The following KNCN variants were observed in gnomAD, a reference collection of about 807,000 sequenced individuals.
KNCN encodes kinocilin.
In KNCN, 11 loss-of-function variants were observed where a neutral mutation model predicts 10.4. The observed-to-expected ratio is 1.06, with a 90% CI of 0.67 to 1.75. The LOEUF (loss-of-function observed/expected upper bound fraction) is 1.75, where lower values mean the gene tolerates loss of function less well. Among genes scored for constraint, KNCN ranks in the 40% most tolerant of loss-of-function variants. The pLI, the probability that KNCN is intolerant of heterozygous loss-of-function variation, is 0.00. For missense variants in KNCN, 172 were observed against 167.1 expected, an observed-to-expected ratio of 1.03 and a Z score of -0.16; for synonymous variants, 67 against 71.6, an observed-to-expected ratio of 0.94 and a Z score of 0.33.
chr1:46,549,205 C>T lies in KNCN; in HGVS notation c.283G>A (p.Gly95Ser), dbSNP rs772423751. ...TTCTGGAACTTACCTTCCTTGTTGC[C>T]ATTGGTGCTGGATCTTCCTTCCCCG... ...DHGEGRSSTN[G>S]NKEGARSSLS... Residue 95 changes from glycine to serine, a missense_variant, in exon 3 of 4, where the codon GGC becomes AGC. Coordinates refer to ENST00000481882, the MANE Select transcript of KNCN (RefSeq NM_001322255.2). The T allele has an allele frequency of 1.2e-6, 2 of 1,612,096 alleles. No homozygotes were observed.
chr1:46,547,788 G>A lies in KNCN; in HGVS notation c.317C>T (p.Thr106Ile). The A allele has an allele frequency of 6.8e-7, 1 of 1,464,422 alleles. No individual in the cohort carries two copies. Among genetic ancestry groups the A allele is most frequent in the Non-Finnish European group, 9.0e-7 (1 of 1,108,490 alleles). The allele number at this position is 1,464,422 out of a possible 1,614,324, so 90.7% of individuals were successfully genotyped here. ...CAGCTTCTCCAGGGTCCTGCTCACG[G>A]TGGACAGGCTGCTGCGGGCTCCTGG... ...NKEGARSSLSTVSRTLEKLKP... is the reference protein window; with the variant it reads ...NKEGARSSLSIVSRTLEKLKP... The change falls in exon 4 of 4, where the codon ACC becomes ATC. Residue 106 changes from threonine to isoleucine, a missense_variant. Coordinates refer to ENST00000481882, the MANE Select transcript of KNCN (RefSeq NM_001322255.2).
Position 46,551,410 on chromosome 1 carries a change from A to G in KNCN, c.-195T>C. ...TCCACTGCTCCACTACGGGCCCCCC[A>G]GTCCCACCTTGACCAGGGATCTGTA... On this transcript the variant is annotated 5_prime_UTR_variant, in exon 1 of 4. Transcript: ENST00000481882. This position sits in a 1 kb window ranked among gnomAD's most constrained non-coding sequence, Gnocchi z 4.0. 1.8e-6 allele frequency: 1 copy of G among 555,512 alleles called. No individual in the cohort carries two copies. Among genetic ancestry groups the G allele is most frequent in the South Asian group, 2.5e-5 (1 of 39,290 alleles). 34.4% of individuals were successfully genotyped at this position (555,512 alleles called of 1,614,324 possible). A position where few individuals can be genotyped will look rare whatever the true frequency, so the allele number is the denominator to read the frequency against.
chr1:46,547,812 G>A lies in KNCN; in HGVS notation c.296-3C>T, dbSNP rs779102921. Reference sequence around the variant, plus strand: ...GGTGGACAGGCTGCTGCGGGCTCCTGGGGGAGAGAACAGGGACGAGGACTG... The same window carrying A: ...GGTGGACAGGCTGCTGCGGGCTCCTAGGGGAGAGAACAGGGACGAGGACTG... On this transcript the variant is annotated splice_polypyrimidine_tract_variant and splice_region_variant and intron_variant, in intron 3 of 3. Transcript: ENST00000481882. The A allele has an allele frequency of 4.1e-6, 6 of 1,455,254 alleles. No homozygotes were observed. The highest frequency in any genetic ancestry group is 1.4e-5 in the African/African-American group (1 of 69,964). The allele number at this position is 1,455,254 out of a possible 1,614,324, so 90.1% of individuals were successfully genotyped here.
rs1437777029 is a variant in KNCN at position 46,547,763 on chromosome 1, C to T, written c.342G>A (p.Leu114=). ...LSTVSRTLEK[L]KPGTRGAEEC ...CCTCAGCCCCCCGGGTCCCCGGCTT[C>T]AGCTTCTCCAGGGTCCTGCTCACGG... The change falls in exon 4 of 4, where the codon CTG becomes CTA. Residue 114 remains leucine (L), a synonymous_variant. Transcript: ENST00000481882. The T allele has an allele frequency of 1.4e-6, 2 of 1,479,418 alleles. No homozygotes were observed. The highest frequency in any genetic ancestry group is 2.8e-5 in the African/African-American group (2 of 70,670). 91.6% of individuals were successfully genotyped at this position (1,479,418 alleles called of 1,614,324 possible).
chr1:46,549,540 G>A (rs1315560684), intron 2 of KNCN, among the ~76,000 whole-genome samples: 1 of 152,158 alleles, frequency 6.6e-6, no homozygotes, highest in Non-Finnish European at 1.5e-5. Context: ...GGTGGAGATG[G>A]CAGCCTGTAT....
chr1:46,550,961 G>T, intron 1 of KNCN, 104 bp downstream of exon 1: 1 of 1,156,412 alleles, frequency 8.6e-7, no homozygotes. Context: ...CTCCCCAGCT[G>T]ATTCCTGCTG....
Position 46,545,962 on chromosome 1 carries a change from T to C in KNCN, c.*1768A>G, listed in dbSNP as rs781167607. The C allele has an allele frequency of 1.3e-5, 2 of 152,352 alleles. No homozygotes were observed. The highest frequency in any genetic ancestry group is 2.9e-5 in the Non-Finnish European group (2 of 68,126). The allele number at this position is 152,352 out of a possible 1,614,324, so 9.4% of individuals were successfully genotyped here. A position where few individuals can be genotyped will look rare whatever the true frequency, so the allele number is the denominator to read the frequency against. ...GAAGGAAAGGAGAAGGGGCAGGGAA[T>C]AGGCAGCAGCTGGGTGGAGAGGAGG... On this transcript the variant is annotated 3_prime_UTR_variant, in exon 4 of 4. Transcript: ENST00000481882.
rs201613509 is a variant in KNCN, at chr1:46,551,128, C to T, written c.88G>A (p.Gly30Ser). 2.1e-5 allele frequency: 34 copies of T among 1,611,522 alleles called. No homozygotes were observed. Among genetic ancestry groups the T allele is most frequent in the Admixed American group, 5.0e-5 (3 of 59,686 alleles). ...LGLVAGSIII[G>S]ISVSKAAAAM... ...GCTGCAGCCTTGGATACGGAGATGC[C>T]GATAATGATGCTGCCAGCCACCAGC... Residue 30 changes from glycine to serine, a missense_variant, in exon 1 of 4, where the codon GGC (glycine) becomes AGC (serine). Transcript: ENST00000481882. This position sits in a 1 kb window ranked among gnomAD's most constrained non-coding sequence, Gnocchi z 4.0.
At chr1:46,549,068 G>C (rs1191404218) in intron 3 of KNCN, 125 bp downstream of exon 3, 1 of 657,112 alleles carries the variant, frequency 1.5e-6, no homozygotes, top group Non-Finnish European at 2.6e-6. Flanking sequence ...TTGAAACCGG[G>C]AGGTGGAGGT....
chr1:46,548,659 C>T lies in KNCN; in HGVS notation c.295+534G>A, dbSNP rs79426288. 3.3e-3 allele frequency among the ~76,000 whole-genome samples: 508 copies of T among 152,252 alleles called. 6 individuals carry two copies. The highest frequency in any genetic ancestry group is 0.012 in the African/African-American group (485 of 41,540). On this transcript the variant is annotated intron_variant, in intron 3 of 3. Coordinates refer to ENST00000481882, the MANE Select transcript of KNCN (RefSeq NM_001322255.2). ...GGAGGTGCCCTCATTCCAGTGTCCA[C>T]GCTGGGCAAGACAGAAGCCCTCAGA... is the stretch of plus-strand genomic sequence containing the variant.
rs1403148317 is a variant in KNCN, at chr1:46,551,017, C to T, written c.151+48G>A. On this transcript the variant is annotated intron_variant, in intron 1 of 3. Coordinates refer to ENST00000481882, the MANE Select transcript of KNCN (RefSeq NM_001322255.2). This position sits in a 1 kb window ranked among gnomAD's most constrained non-coding sequence, Gnocchi z 4.0. ...TTGTTCACCTGACGATGCCCCTGCC[C>T]CCACCTCCAGAATCTCCCTTCCCTA... 11 of 1,509,906 alleles carry T rather than the reference C, an allele frequency of 7.3e-6. No homozygotes were observed. The highest frequency in any genetic ancestry group is 9.8e-6 in the Non-Finnish European group (11 of 1,120,260). 93.5% of individuals were successfully genotyped at this position (1,509,906 alleles called of 1,614,324 possible).
chr1:46,549,868 G>C, intron 2 of KNCN, 66 bp downstream of exon 2: 1 of 1,549,876 alleles, frequency 6.5e-7, no homozygotes, highest in Non-Finnish European at 8.7e-7. Flanking sequence ...GGTCACAGAC[G>C]AGCACACAAA....
At position 46,551,051 on chromosome 1, in the gene KNCN, C is replaced by T. The variant is rs1354147841; in HGVS notation, c.151+14G>A. 6.4e-7 allele frequency: 1 copy of T among 1,573,496 alleles called. No individual in the cohort carries two copies. Among genetic ancestry groups the T allele is most frequent in the Admixed American group, 1.9e-5 (1 of 53,444 alleles). ...AGAATCTCCCTTCCCTATCCCAGCC[C>T]AGCCCCTGCTCACCCAGAACAGCAG... On this transcript the variant is annotated intron_variant, in intron 1 of 3. Transcript: ENST00000481882. The surrounding 1 kb of genome is among the most constrained non-coding windows in gnomAD (Gnocchi z 4.0).
chr1:46,549,848 CCA>C (rs1199170845), intron 2 of KNCN, 84 bp downstream of exon 2: 1 of 1,547,746 alleles, frequency 6.5e-7, no homozygotes, highest in Non-Finnish European at 8.7e-7. Context: ...CTCATCCCAG[CCA>C]CACAGTGGGT....
chr1:46,549,076 G>T (rs1667008557), intron 3 of KNCN, 117 bp downstream of exon 3: 3 of 702,166 alleles, frequency 4.3e-6, no homozygotes, highest in Non-Finnish European at 7.1e-6. Context: ...GGGAGGTGGA[G>T]GTTGCAGTGA....
At chr1:46,549,415 C>G in intron 2 of KNCN, 148 bp from the exon 3 acceptor site, 1 of 610,138 alleles carries the variant, frequency 1.6e-6, no homozygotes. Flanking sequence ...CTCACATGAT[C>G]TGGGCTGATT....
chr1:46,549,174 G>C lies in KNCN; in HGVS notation c.295+19C>G. ...AAAAAGAAAAAAGAAGGATGGACTC[G>C]GGAATTTCTGGAACTTACCTTCCTT... On this transcript the variant is annotated intron_variant, in intron 3 of 3. Transcript: ENST00000481882. 6.3e-7 allele frequency: 1 copy of C among 1,588,374 alleles called. No individual in the cohort carries two copies. The highest frequency in any genetic ancestry group is 8.6e-7 in the Non-Finnish European group (1 of 1,165,952).
Position 46,551,205 on chromosome 1 carries a change from G to T in KNCN, c.11C>A (p.Pro4His). The change falls in exon 1 of 4, where the codon CCC becomes CAC. Residue 4 changes from proline to histidine, a missense_variant. Coordinates refer to ENST00000481882, the MANE Select transcript of KNCN (RefSeq NM_001322255.2). This position sits in a 1 kb window ranked among gnomAD's most constrained non-coding sequence, Gnocchi z 4.0. ...GCCGCGGAAGTCTCTGCTGCTGATGGGGATGTCCATGCAGGCCCACCCGGG... is the reference window on the plus strand; with the variant it reads ...GCCGCGGAAGTCTCTGCTGCTGATGTGGATGTCCATGCAGGCCCACCCGGG... MDI[P>H]ISSRDFRGLQ... is the part of the protein sequence containing the mutation. The T allele has an allele frequency of 1.9e-6, 3 of 1,608,600 alleles. No homozygotes were observed. The highest frequency in any genetic ancestry group is 1.1e-5 in the South Asian group (1 of 90,268).
rs531235327 is a variant in KNCN, at chr1:46,551,097, A to C, written c.119T>G (p.Met40Arg). The part of the protein sequence containing the change: ...GISVSKAAAA[M>R]GGVFIGAAVL... ...AGCAGCGCCAATAAAGACACCGCCC[A>C]TGGCAGCTGCAGCCTTGGATACGGA... Residue 40 changes from methionine (M) to arginine (R), a missense_variant, in exon 1 of 4, where the codon ATG (methionine) becomes AGG (arginine). Met to Arg is a moderately conservative substitution (Grantham distance 91). Coordinates refer to ENST00000481882, the MANE Select transcript of KNCN (RefSeq NM_001322255.2). This position sits in a 1 kb window ranked among gnomAD's most constrained non-coding sequence, Gnocchi z 4.0. The C allele has an allele frequency of 1.9e-6, 3 of 1,608,998 alleles. No individual in the cohort carries two copies. In the African/African-American group the frequency reaches 4.0e-5, roughly 22 times the overall value.
Sources: allele counts gnomAD v4.1 joint callset (sites outside exome capture counted in the v4.1 genomes callset), GRCh38; gene constraint gnomAD v4.1.1; non-coding constraint Gnocchi (gnomAD v3.1); transcripts MANE v1.5; gene names NCBI Gene and HGNC (gene_info 2026-07-23, HGNC 2026-07-21).